Variants in IARS1 observed in about 807,000 individuals in gnomAD.
IARS1 encodes the protein isoleucine--tRNA ligase, cytoplasmic.
Under a neutral mutation model 168.2 loss-of-function variants are expected in IARS1, and 124 were observed. The observed-to-expected ratio is 0.74, with a 90% CI of 0.64 to 0.86. The LOEUF (loss-of-function observed/expected upper bound fraction) is 0.86. IARS1 is among the 40% of genes least tolerant of loss of function. IARS1 has a pLI of 0.00. For missense variants in IARS1, 1,452 were observed against 1,515.8 expected, an observed-to-expected ratio of 0.96 and a Z score of 0.70; for synonymous variants, 532 against 529.4, an observed-to-expected ratio of 1.00 and a Z score of -0.07.
rs778692999 is a variant in IARS1 at position 92,256,810 on chromosome 9, A to T, written c.2017-10T>A. Reference sequence around the variant, plus strand: ...ATTCTATTTCTTCCTCCTAGGAAGGAACAATTAATGAAACACTGGCACACT... The same window carrying T: ...ATTCTATTTCTTCCTCCTAGGAAGGTACAATTAATGAAACACTGGCACACT... On this transcript the variant is annotated splice_polypyrimidine_tract_variant and intron_variant, in intron 19 of 33. Coordinates refer to ENST00000443024, the MANE Select transcript of IARS1 (RefSeq NM_002161.6). 8 of 1,605,640 alleles carry T rather than the reference A, an allele frequency of 5.0e-6. No individual in the cohort carries two copies. The East Asian group carries it at 1.8e-4, about 36-fold the overall frequency.
In IARS1 at chr9:92,277,915, C is replaced by T. The variant is rs1165050164; in HGVS notation, c.842G>A (p.Gly281Asp). The T allele has an allele frequency of 1.9e-6, 3 of 1,613,452 alleles. No individual in the cohort carries two copies. The highest frequency in any genetic ancestry group is 2.5e-6 in the Non-Finnish European group (3 of 1,179,648). ...SDYEILERFP[G>D]AYLKGKKYRP... Reference sequence around the variant, plus strand: ...GTACTTCTTGCCTTTAAGATAGGCACCAGGAAATCTAGAAAAGGAGAAAGG... The same window carrying T: ...GTACTTCTTGCCTTTAAGATAGGCATCAGGAAATCTAGAAAAGGAGAAAGG... Residue 281 changes from glycine to aspartate, a missense_variant, in exon 9 of 34, where the codon GGT becomes GAT. Gly to Asp is a moderately conservative substitution (Grantham distance 94). Coordinates refer to ENST00000443024, the MANE Select transcript of IARS1 (RefSeq NM_002161.6).
rs560428233 is a variant in IARS1 at position 92,265,924 on chromosome 9, G to A, written c.1432-371C>T. 2.6e-5 allele frequency among the ~76,000 whole-genome samples: 4 copies of A among 152,298 alleles called. No homozygotes were observed. In the East Asian group the frequency reaches 7.7e-4, roughly 29 times the overall value. ...TCAGCCACCCTCAGCCTCCCAAAGT[G>A]CTGCGATTACAGGCGTGAGCCACCC... On this transcript the variant is annotated intron_variant, in intron 14 of 33. Coordinates refer to ENST00000443024, the MANE Select transcript of IARS1 (RefSeq NM_002161.6).
At chr9:92,292,016 CTTTTTTTT>C (rs35644715) in intron 1 of IARS1, among the ~76,000 whole-genome samples, 12 of 126,954 alleles carry the variant, frequency 9.5e-5, no homozygotes, top group Non-Finnish European at 1.5e-4. Flanking sequence ...AGGATCATTC[CTTTTTTTT>C]TTTTTTTTTT....
intron 31 of IARS1, among the ~76,000 whole-genome samples, chr9:92,228,115 C>T (rs1826054274): frequency 6.6e-6 from 1 of 152,202 alleles, no homozygotes; most frequent in Admixed American, 6.5e-5. Flanking sequence ...TGGCGGATCA[C>T]TGGCGGTTAG....
chr9:92,227,095 CAT>C (rs1239038235), intron 31 of IARS1, among the ~76,000 whole-genome samples: 2 of 137,952 alleles, frequency 1.4e-5, no homozygotes, highest in Admixed American at 7.4e-5. Flanking sequence ...GGACACAGCA[CAT>C]GTTTCAGAGA....
Position 92,277,791 on chromosome 9 carries a change from C to T in IARS1, c.894+72G>A, listed in dbSNP as rs972942274. ...ACTCATAAAAGTAATGTCAATTCCA[C>T]TTCTCACAACACCCCAGCTATCAAA... On this transcript the variant is annotated intron_variant, in intron 9 of 33. Transcript: ENST00000443024. 1.4e-5 allele frequency: 18 copies of T among 1,299,206 alleles called. No homozygotes were observed. The African/African-American group carries it at 2.4e-4, about 17-fold the overall frequency. 80.5% of individuals were successfully genotyped at this position (1,299,206 alleles called of 1,614,324 possible).
chr9:92,289,911 G>A (rs1836047781), intron 1 of IARS1, among the ~76,000 whole-genome samples: 1 of 152,134 alleles, frequency 6.6e-6, no homozygotes, highest in Admixed American at 6.5e-5. Flanking sequence ...TAGCTGAATA[G>A]TATTCCATTT....
At position 92,269,769 on chromosome 9, in the gene IARS1, T is replaced by C. The variant is rs529786663; in HGVS notation, c.1304+116A>G. On this transcript the variant is annotated intron_variant, in intron 13 of 33. Coordinates refer to ENST00000443024, the MANE Select transcript of IARS1 (RefSeq NM_002161.6). ...CTAAACACACAGAAGAAAAGATAGC[T>C]ATTACAATACCCAATAAAAGATGGG... 8 of 648,624 alleles carry C rather than the reference T, an allele frequency of 1.2e-5. No homozygotes were observed. In the African/African-American group the frequency reaches 1.3e-4, roughly 10 times the overall value. The allele number at this position is 648,624 out of a possible 1,614,324, so 40.2% of individuals were successfully genotyped here.
intron 4 of IARS1, 61 bp from the exon 5 acceptor site, chr9:92,286,679 T>C (rs1177735750): frequency 1.1e-6 from 1 of 939,406 alleles, no homozygotes; most frequent in Admixed American, 2.2e-5. Context: ...TACATCAATG[T>C]GTGTTTATTT....
At position 92,242,332 on chromosome 9, in the gene IARS1, T is replaced by G; in HGVS notation, c.3001-2A>C. 2.5e-6 allele frequency: 4 copies of G among 1,607,376 alleles called. No homozygotes were observed. The highest frequency in any genetic ancestry group is 3.4e-6 in the Non-Finnish European group (4 of 1,177,452). On this transcript the variant is annotated splice_acceptor_variant, in intron 28 of 33. Coordinates refer to ENST00000443024, the MANE Select transcript of IARS1 (RefSeq NM_002161.6). LOFTEE classifies it high-confidence loss of function. The stretch of plus-strand genomic sequence containing the variant: ...TTCATCAGTTGGAACCAGATTGCAC[T>G]GAAAACACACACAGAAAAATTTAAA...
At chr9:92,245,354 C>A (rs2133643482) in intron 26 of IARS1, among the ~76,000 whole-genome samples, 1 of 152,238 alleles carries the variant, frequency 6.6e-6, no homozygotes, top group South Asian at 2.1e-4. Context: ...GGGAAGGCAC[C>A]AAGAGGCAAC....
At chr9:92,242,566 A>G (rs1828595406) in intron 28 of IARS1, 3 of 497,978 alleles carry the variant, frequency 6.0e-6, no homozygotes, top group Non-Finnish European at 1.1e-5. Context: ...TAGAACAATC[A>G]GTACCTCATG....
chr9:92,247,181 G>A (rs1201968567), intron 26 of IARS1, among the ~76,000 whole-genome samples, 196 bp downstream of exon 26: 2 of 152,078 alleles, frequency 1.3e-5, no homozygotes, highest in Middle Eastern at 3.2e-3. Flanking sequence ...ATGACAGAGC[G>A]AGATTCTGTC....
chr9:92,216,959 A>C (rs1838809032), intron 33 of IARS1, among the ~76,000 whole-genome samples: 1 of 151,350 alleles, frequency 6.6e-6, no homozygotes, highest in African/African-American at 2.4e-5. Flanking sequence ...CCCCAAATTA[A>C]CAGAATATAC....
At chr9:92,242,448 C>G in intron 28 of IARS1, 118 bp from the exon 29 acceptor site, 2 of 731,702 alleles carry the variant, frequency 2.7e-6, no homozygotes, top group Non-Finnish European at 4.4e-6. Context: ...GAAGGGCAGT[C>G]ACCCTTCCCT....
intron 33 of IARS1, among the ~76,000 whole-genome samples, chr9:92,221,455 T>G (rs1379766951): frequency 2.0e-5 from 3 of 152,028 alleles, no homozygotes; most frequent in Non-Finnish European, 4.4e-5. Context: ...TGGGTATAAA[T>G]AGAAAAAAAC....
chr9:92,249,753 A>G (rs1829738051), intron 25 of IARS1, 105 bp downstream of exon 25: 1 of 593,214 alleles, frequency 1.7e-6, no homozygotes, highest in African/African-American at 1.9e-5. Flanking sequence ...TTATGACTAT[A>G]CTAATAAAAA....
intron 30 of IARS1, among the ~76,000 whole-genome samples, chr9:92,239,723 A>G (rs1224238803): frequency 6.6e-6 from 1 of 152,062 alleles, no homozygotes; most frequent in Admixed American, 6.6e-5. Flanking sequence ...ACTGCCCCCC[A>G]CTAGGATGAA....
rs1228067562 is a variant in IARS1, at chr9:92,280,759, A to G, written c.732T>C (p.Tyr244=). ...CCTCCCACTTACCTTTAATTTTCAC[A>G]TATTGCATTTCTGGATTAACACACA... ...LAVCVNPEMQ[Y]VKIKDVARGR... Residue 244 remains tyrosine (Y), a synonymous_variant, in exon 7 of 34, where the codon TAT becomes TAC. Transcript: ENST00000443024. The G allele has an allele frequency of 6.2e-7, 1 of 1,608,650 alleles. No individual in the cohort carries two copies. The highest frequency in any genetic ancestry group is 1.7e-5 in the Admixed American group (1 of 59,528).
Sources: gnomAD v4.1 joint callset for allele counts (sites outside exome capture counted in the v4.1 genomes callset) on GRCh38, gnomAD v4.1.1 for gene constraint, MANE v1.5 for transcripts, NCBI Gene and HGNC (gene_info 2026-07-23, HGNC 2026-07-21) for gene names.